PIK3AP1: variants seen among roughly 807,000 people sequenced by gnomAD.
PIK3AP1 encodes phosphoinositide 3-kinase adapter protein 1.
A neutral mutation model predicts 88.1 loss-of-function variants in PIK3AP1; 21 were observed. That is an observed-to-expected ratio of 0.24 (90% CI 0.17 to 0.34). PIK3AP1 has a LOEUF of 0.34. Among genes scored for constraint, PIK3AP1 ranks in the 10% least tolerant of loss-of-function variants. The probability of loss-of-function intolerance (pLI) is 1.00; values close to 1 mark genes in which losing one functional copy is unlikely to be tolerated. For missense variants in PIK3AP1, 828 were observed against 1,035.7 expected, an observed-to-expected ratio of 0.80 and a Z score of 2.75; for synonymous variants, 398 against 400.0, an observed-to-expected ratio of 1.00 and a Z score of 0.06.
At position 96,595,624 on chromosome 10, in the gene PIK3AP1, T is replaced by G; in HGVS notation, c.2371A>C (p.Arg791=). 1 of 1,613,266 alleles carries G rather than the reference T, an allele frequency of 6.2e-7. No homozygotes were observed. The highest frequency in any genetic ancestry group is 8.5e-7 in the Non-Finnish European group (1 of 1,179,698). ...GGTGGAGGAGGATGGAAGGTCTCCC[T>G]GGTCGGAGGCCTAAAATGAAAGATA... ...PRAASQRPPT[R]ETFHPPPPVP... Residue 791 remains arginine, a synonymous_variant, in exon 17 of 17, where the codon AGG becomes CGG. Coordinates refer to ENST00000339364, the MANE Select transcript of PIK3AP1 (RefSeq NM_152309.3).
At chr10:96,644,123 G>T (rs1318157913) in intron 8 of PIK3AP1, among the ~76,000 whole-genome samples, 1 of 152,170 alleles carries the variant, frequency 6.6e-6, no homozygotes, top group African/African-American at 2.4e-5. Context: ...TGGTGGCACT[G>T]CCCCCTGGGG....
intron 14 of PIK3AP1, among the ~76,000 whole-genome samples, chr10:96,604,251 C>T (rs912754416): frequency 6.6e-6 from 1 of 151,616 alleles, no homozygotes; most frequent in Non-Finnish European, 1.5e-5. Context: ...GATCACAGCT[C>T]ATGGTAGCCT....
chr10:96,673,848 G>C (rs687528), intron 2 of PIK3AP1, among the ~76,000 whole-genome samples: 87,579 of 152,042 alleles, frequency 0.58, 27,810 homozygotes, highest in African/African-American at 0.86. Context: ...CCTTTTGTCT[G>C]TCTCCCACTC....
At chr10:96,628,280 T>C (rs922595475) in intron 9 of PIK3AP1, 118 bp downstream of exon 9, 10 of 873,548 alleles carry the variant, frequency 1.1e-5, no homozygotes, top group African/African-American at 3.3e-5. Context: ...TCACATCACA[T>C]GCCATGTATG....
chr10:96,612,982 A>AT (rs3979626), intron 13 of PIK3AP1, among the ~76,000 whole-genome samples: 1 of 34,800 alleles, frequency 2.9e-5, no homozygotes, highest in Non-Finnish European at 5.1e-5. Flanking sequence ...ATATATATAT[A>AT]TTTTTTTTTT....
intron 11 of PIK3AP1, chr10:96,620,818 CTAT>C (rs1204776693): frequency 4.8e-5 from 19 of 396,216 alleles, no homozygotes; most frequent in Non-Finnish European, 7.4e-5. Context: ...CAAGTCTTAA[CTAT>C]TATTATTATT....
chr10:96,700,925 T>C (rs929063368), intron 2 of PIK3AP1: 7 of 973,540 alleles, frequency 7.2e-6, no homozygotes, highest in Non-Finnish European at 8.5e-6. Context: ...TCTGAGCCCC[T>C]TGGGACTACT....
Position 96,651,342 on chromosome 10 carries a change from A to G in PIK3AP1, c.894T>C (p.Asp298=). ...KIVPYNTETL[D]KLLTESLKNN... ...TCTTCAGGGATTCGGTTAGCAGTTT[A>G]TCAAGGGTCTCTGTGTTGTAGGGCA... The change falls in exon 6 of 17, where the codon GAT becomes GAC. Residue 298 remains aspartate, a synonymous_variant. Coordinates refer to ENST00000339364, the MANE Select transcript of PIK3AP1 (RefSeq NM_152309.3). The G allele has an allele frequency of 6.2e-7, 1 of 1,614,196 alleles. No homozygotes were observed. The highest frequency in any genetic ancestry group is 8.5e-7 in the Non-Finnish European group (1 of 1,180,024).
intron 16 of PIK3AP1, among the ~76,000 whole-genome samples, chr10:96,600,017 A>G (rs138333527): frequency 5.3e-5 from 8 of 152,248 alleles, no homozygotes; most frequent in Non-Finnish European, 1.0e-4. Context: ...CCTTGTAGCT[A>G]AAGTTTTAAA....
intron 2 of PIK3AP1, among the ~76,000 whole-genome samples, chr10:96,697,793 CA>C (rs775479776): frequency 1.3e-5 from 2 of 152,176 alleles, no homozygotes; most frequent in Non-Finnish European, 2.9e-5. Context: ...ATGTCTAAAA[CA>C]AAAAGTTCCA....
chr10:96,678,387 A>G (rs988617915), intron 2 of PIK3AP1, among the ~76,000 whole-genome samples: 1 of 151,962 alleles, frequency 6.6e-6, no homozygotes, highest in Non-Finnish European at 1.5e-5. Context: ...ATGAGTCGAG[A>G]TCACACCACT....
intron 12 of PIK3AP1, among the ~76,000 whole-genome samples, chr10:96,618,067 A>C (rs1843020218): frequency 6.6e-6 from 1 of 152,190 alleles, no homozygotes; most frequent in African/African-American, 2.4e-5. Context: ...CCTGAAGGGG[A>C]GATGCTCAGG....
chr10:96,679,675 C>G (rs762998649), intron 2 of PIK3AP1, among the ~76,000 whole-genome samples: 1 of 152,158 alleles, frequency 6.6e-6, no homozygotes, highest in Non-Finnish European at 1.5e-5. Flanking sequence ...CTCCTGGAAT[C>G]CAAAGCCCAG....
At chr10:96,696,738 T>C (rs1053920184) in intron 2 of PIK3AP1, among the ~76,000 whole-genome samples, 10 of 152,326 alleles carry the variant, frequency 6.6e-5, no homozygotes, top group African/African-American at 2.2e-4. Flanking sequence ...AATGGTATAA[T>C]GTGATATACT....
chr10:96,627,033 A>G (rs887325887), intron 9 of PIK3AP1, 128 bp from the exon 10 acceptor site: 17 of 825,216 alleles, frequency 2.1e-5, no homozygotes, highest in African/African-American at 2.0e-4. Context: ...ACTTTCCCCA[A>G]TATCACTTCC....
At position 96,602,305 on chromosome 10, in the gene PIK3AP1, C is replaced by T. The variant is rs45587542; in HGVS notation, c.2335G>A (p.Val779Met). 3.5e-4 allele frequency: 563 copies of T among 1,607,246 alleles called. 1 individual carries two copies. Among genetic ancestry groups the T allele is most frequent in the Non-Finnish European group, 4.0e-4 (472 of 1,177,594 alleles). Reference sequence around the variant, plus strand: ...CTCTGTGAGGCAGCTCTCGGAGGCACCCTGGGGGGTCTCTCGAGGGACATG... The same window carrying T: ...CTCTGTGAGGCAGCTCTCGGAGGCATCCTGGGGGGTCTCTCGAGGGACATG... ...PTMSLERPPR[V>M]PPRAASQRPP... The change falls in exon 16 of 17, where the codon GTG (valine) becomes ATG (methionine). Residue 779 changes from valine (V) to methionine (M), a missense_variant. Coordinates refer to ENST00000339364, the MANE Select transcript of PIK3AP1 (RefSeq NM_152309.3).
At chr10:96,668,902 GGCA>G (rs1480837490) in intron 2 of PIK3AP1, among the ~76,000 whole-genome samples, 2 of 152,148 alleles carry the variant, frequency 1.3e-5, no homozygotes, top group Admixed American at 1.3e-4. Flanking sequence ...GACCAAGACA[GGCA>G]GATCACTTGA....
At position 96,645,381 on chromosome 10, in the gene PIK3AP1, A is replaced by G; in HGVS notation, c.1375+92T>C. The G allele has an allele frequency of 2.3e-6, 3 of 1,291,326 alleles. No individual in the cohort carries two copies. The South Asian group carries it at 4.0e-5, about 17-fold the overall frequency. The allele number at this position is 1,291,326 out of a possible 1,614,324, so 80.0% of individuals were successfully genotyped here. ...CATCTCTCTGGGGTGAAGTGAGGGT[A>G]CATAGGGACTGCCCCGCGCCATCTT... On this transcript the variant is annotated intron_variant, in intron 8 of 16. Transcript: ENST00000339364.
chr10:96,633,314 A>G, intron 8 of PIK3AP1: 1 of 353,836 alleles, frequency 2.8e-6, no homozygotes. Context: ...TAACAGAGCT[A>G]GGAAGTCAAC....
Sources: allele counts gnomAD v4.1 joint callset (sites outside exome capture counted in the v4.1 genomes callset), GRCh38; gene constraint gnomAD v4.1.1; transcripts MANE v1.5; gene names NCBI Gene and HGNC (gene_info 2026-07-23, HGNC 2026-07-21).